MIA2: variants seen among roughly 807,000 people sequenced by gnomAD.
The protein encoded by MIA2 is melanoma inhibitory activity protein 2.
MIA2 carries 127 observed loss-of-function variants against 167.8 expected under a neutral mutation model. The observed-to-expected ratio is 0.76, with a 90% CI of 0.66 to 0.88. The LOEUF is 0.88. MIA2 is among the 40% of genes least tolerant of loss of function. MIA2 has a pLI of 0.00. For synonymous variants in MIA2, 552 were observed against 541.9 expected (o/e 1.02, Z -0.26); for missense variants, 1,690 against 1,624.7 (o/e 1.04, Z -0.69).
intron 18 of MIA2, among the ~76,000 whole-genome samples, chr14:39,309,001 A>G (rs2063783198): frequency 6.6e-6 from 1 of 152,164 alleles, no homozygotes; most frequent in South Asian, 2.1e-4. Context: ...AGTGTCCTTT[A>G]CTTAGTTACT....
intron 20 of MIA2, 23 bp downstream of exon 20, chr14:39,314,822 GTGTGTGTGTGTGTGTA>G (rs748511479): frequency 8.2e-7 from 1 of 1,218,910 alleles, no homozygotes; most frequent in Non-Finnish European, 1.1e-6. Flanking sequence ...GTGTGTGTGT[GTGTGTGTGTGTGTGTA>G]TATATATATA....
intron 23 of MIA2, 88 bp from the exon 24 acceptor site, chr14:39,320,840 C>T (rs551959911): frequency 7.1e-7 from 1 of 1,412,752 alleles, no homozygotes; most frequent in South Asian, 1.3e-5. Context: ...ATAGGATGAC[C>T]TGATGGTAAT....
chr14:39,246,709 A>T (rs1209593122), intron 3 of MIA2, among the ~76,000 whole-genome samples: 2 of 152,108 alleles, frequency 1.3e-5, no homozygotes, highest in African/African-American at 4.8e-5. Context: ...GAAACAAAAA[A>T]CCATAATGTA....
chr14:39,316,058 A>G (rs181109636), intron 21 of MIA2, among the ~76,000 whole-genome samples: 3 of 152,282 alleles, frequency 2.0e-5, no homozygotes, highest in South Asian at 2.1e-4. Context: ...CTTTGGGCCT[A>G]TTTCCTCATT....
intron 21 of MIA2, among the ~76,000 whole-genome samples, chr14:39,316,137 G>A (rs778604772): frequency 1.3e-5 from 2 of 152,166 alleles, no homozygotes; most frequent in African/African-American, 2.4e-5. Flanking sequence ...ATAAAATTCA[G>A]TTACCTGATC....
At chr14:39,292,447 A>G (rs1341490677) in intron 10 of MIA2, among the ~76,000 whole-genome samples, 3 of 152,176 alleles carry the variant, frequency 2.0e-5, no homozygotes, top group Non-Finnish European at 4.4e-5. Flanking sequence ...ATTGAATTCA[A>G]ACTATAATGT....
At position 39,289,440 on chromosome 14, in the gene MIA2, C is replaced by T. The variant is rs529965242; in HGVS notation, c.2131-1579C>T. ...ATGTTGGCTAGGCTGTTCTTGAACT[C>T]CTGACCTCATGATCCCTGTGATCTG... On this transcript the variant is annotated intron_variant, in intron 9 of 28. Coordinates refer to ENST00000640607, the MANE Select transcript of MIA2 (RefSeq NM_001329214.4). Among the ~76,000 whole-genome samples, 7 of 152,198 alleles carry T rather than the reference C, an allele frequency of 4.6e-5. No individual in the cohort carries two copies. In the South Asian group the frequency reaches 1.5e-3, roughly 32 times the overall value.
chr14:39,267,446 G>A (rs1457191459), intron 6 of MIA2: 3 of 1,612,062 alleles, frequency 1.9e-6, no homozygotes, highest in East Asian at 2.2e-5. Context: ...GACCACGAGA[G>A]CAGCTTTGGC....
chr14:39,349,045 T>C (rs1003050531), intron 28 of MIA2, 68 bp downstream of exon 28: 4 of 1,535,942 alleles, frequency 2.6e-6, no homozygotes, highest in Non-Finnish European at 3.6e-6. Context: ...TTAATTTTAC[T>C]ATCTGTTAAT....
At chr14:39,373,789 C>G (rs1164080177) in intron 23 of MIA2, among the ~76,000 whole-genome samples, 1 of 151,926 alleles carries the variant, frequency 6.6e-6, no homozygotes, top group Non-Finnish European at 1.5e-5. Flanking sequence ...CCATTGCACT[C>G]CAGCCTGCAT....
intron 25 of MIA2, among the ~76,000 whole-genome samples, chr14:39,334,280 GC>G (rs1438494046): frequency 2.0e-5 from 3 of 152,062 alleles, no homozygotes; most frequent in Admixed American, 2.0e-4. Context: ...TTCAAGACCA[GC>G]CTGGCTAACA....
intron 23 of MIA2, among the ~76,000 whole-genome samples, chr14:39,382,953 G>GTTTTTTTT (rs10689511): frequency 1.7e-4 from 13 of 75,026 alleles, no homozygotes; most frequent in Admixed American, 3.3e-4. Context: ...TATGGCCACA[G>GTTTTTTTT]TTTTTTTTTT....
chr14:39,241,232 C>A (rs2054022907), intron 3 of MIA2, among the ~76,000 whole-genome samples: 1 of 152,114 alleles, frequency 6.6e-6, no homozygotes, highest in Admixed American at 6.6e-5. Flanking sequence ...CAGGAGGTGG[C>A]TTTTCAATTA....
chr14:39,327,183 G>C (rs1357106865), intron 25 of MIA2, among the ~76,000 whole-genome samples, 161 bp downstream of exon 25: 1 of 152,186 alleles, frequency 6.6e-6, no homozygotes, highest in Non-Finnish European at 1.5e-5. Flanking sequence ...AGAATGATTT[G>C]AGATAATTGT....
chr14:39,248,013 C>A lies in MIA2; in HGVS notation c.1439C>A (p.Pro480Gln). The change falls in exon 4 of 29, where the codon CCA (proline) becomes CAA (glutamine). Residue 480 changes from proline (P) to glutamine (Q), a missense_variant. Physicochemically the swap from Pro to Gln is moderately conservative, Grantham distance 76 (BLOSUM62 -1). Coordinates refer to ENST00000640607, the MANE Select transcript of MIA2 (RefSeq NM_001329214.4). ...FQNIPKETEL[P>Q]FPKQILDQNN... Reference sequence around the variant, plus strand: ...AACATTCCAAAGGAAACAGAATTGCCATTTCCCAAACAGATACTGGATCAA... The same window carrying A: ...AACATTCCAAAGGAAACAGAATTGCAATTTCCCAAACAGATACTGGATCAA... 6.4e-7 allele frequency: 1 copy of A among 1,574,764 alleles called. No individual in the cohort carries two copies. The highest frequency in any genetic ancestry group is 1.2e-5 in the South Asian group (1 of 83,052).
At chr14:39,236,354 G>T (rs529443394) in intron 1 of MIA2, among the ~76,000 whole-genome samples, 2 of 152,106 alleles carry the variant, frequency 1.3e-5, no homozygotes, top group Middle Eastern at 3.2e-3. Flanking sequence ...AGAAAGAAAA[G>T]CTCAGAATAA....
At chr14:39,286,415 G>A (rs1045657499) in intron 9 of MIA2, among the ~76,000 whole-genome samples, 3 of 152,188 alleles carry the variant, frequency 2.0e-5, no homozygotes, top group African/African-American at 4.8e-5. Flanking sequence ...GCTTTGGCTC[G>A]GCATCAGAGG....
At chr14:39,341,330 A>T (rs1268859507) in intron 25 of MIA2, among the ~76,000 whole-genome samples, 1 of 152,122 alleles carries the variant, frequency 6.6e-6, no homozygotes, top group African/African-American at 2.4e-5. Context: ...AAATGAATAA[A>T]TAAATAAATA....
chr14:39,354,871 T>A (rs77161077), downstream of MIA2, among the ~76,000 whole-genome samples: 44,320 of 151,712 alleles, frequency 0.29, 6,794 homozygotes, highest in East Asian at 0.5. Flanking sequence ...AGATAGTTGT[T>A]GATGTGTGGC....
Sources: gnomAD v4.1 joint callset for allele counts (sites outside exome capture counted in the v4.1 genomes callset) on GRCh38, gnomAD v4.1.1 for gene constraint, MANE v1.5 for transcripts, NCBI Gene and HGNC (gene_info 2026-07-23, HGNC 2026-07-21) for gene names.